Variants in HIVEP1 observed in about 807,000 individuals in gnomAD.
HIVEP1 encodes the protein zinc finger protein 40.
HIVEP1 carries 36 observed loss-of-function variants against 180.0 expected under a neutral mutation model. The ratio of observed to expected loss-of-function variants is 0.20; its 90% CI spans 0.15 to 0.26. The LOEUF (loss-of-function observed/expected upper bound fraction) is 0.26, where lower values mean the gene tolerates loss of function less well. Ranked by LOEUF, HIVEP1 falls within the 10% of genes least tolerant of loss-of-function variation. HIVEP1 has a pLI of 1.00. For synonymous variants in HIVEP1, 1,239 were observed against 1,239.0 expected (o/e 1.00, Z 0.00); for missense variants, 3,143 against 3,268.7 (o/e 0.96, Z 0.94).
intron 2 of HIVEP1, among the ~76,000 whole-genome samples, chr6:12,067,454 G>A (rs1771674508): frequency 6.6e-6 from 1 of 151,878 alleles, no homozygotes; most frequent in Non-Finnish European, 1.5e-5. Context: ...ATAATAATAA[G>A]GACTATTTAA....
rs181644507 is a variant in HIVEP1, at chr6:12,104,092, A to C, written c.94+14855A>C. Among the ~76,000 whole-genome samples the C allele has an allele frequency of 1.7e-3, 264 of 152,180 alleles. 6 individuals are homozygous for C. In the Middle Eastern group the frequency reaches 0.024, roughly 14 times the overall value. On this transcript the variant is annotated intron_variant, in intron 3 of 8. Transcript: ENST00000379388. ...CTAGTAATTTTAAAAATTATTTTTA[A>C]GATTTTGGGCCTTGTCTTTGACTTT...
At chr6:12,019,990 G>A (rs1218721222) in intron 2 of HIVEP1, among the ~76,000 whole-genome samples, 1 of 152,224 alleles carries the variant, frequency 6.6e-6, no homozygotes, top group Non-Finnish European at 1.5e-5. Context: ...TGAAAATTAA[G>A]CCTGCATAGA....
intron 2 of HIVEP1, among the ~76,000 whole-genome samples, chr6:12,018,824 C>G (rs1038154930): frequency 6.6e-6 from 1 of 152,140 alleles, no homozygotes; most frequent in South Asian, 2.1e-4. Flanking sequence ...AAGAAGTTCT[C>G]TTCAGGAGGG....
chr6:12,103,184 G>GTAACAATAA (rs1774211598), intron 3 of HIVEP1, among the ~76,000 whole-genome samples: 1 of 147,656 alleles, frequency 6.8e-6, no homozygotes, highest in Non-Finnish European at 1.5e-5. Flanking sequence ...TGTTGATTAT[G>GTAACAATAA]TAATAATAAT....
intron 2 of HIVEP1, among the ~76,000 whole-genome samples, chr6:12,064,505 A>G (rs1336676527): frequency 5.3e-5 from 8 of 152,218 alleles, no homozygotes; most frequent in Non-Finnish European, 1.2e-4. Flanking sequence ...TCATTATTTC[A>G]GTAGTGGTGA....
At chr6:12,185,462 G>A in the HIVEP1 span, among the ~76,000 whole-genome samples, 10 of 152,188 alleles carry the variant, frequency 6.6e-5, no homozygotes, top group Non-Finnish European at 1.2e-4. Context: ...GCTCTGAGTT[G>A]AACTGGGACA....
At chr6:12,205,940 T>C in the HIVEP1 span, among the ~76,000 whole-genome samples, 5 of 152,042 alleles carry the variant, frequency 3.3e-5, no homozygotes, top group African/African-American at 1.2e-4. Flanking sequence ...ATTAATTAGA[T>C]AGTAACAGGG....
chr6:12,145,491 A>G (rs191808944), intron 7 of HIVEP1, among the ~76,000 whole-genome samples: 3 of 151,154 alleles, frequency 2.0e-5, no homozygotes, highest in Non-Finnish European at 4.4e-5. Context: ...CACGTTGTGC[A>G]TATGTACCCT....
At chr6:12,086,519 C>G (rs933163704) in intron 2 of HIVEP1, among the ~76,000 whole-genome samples, 2 of 152,078 alleles carry the variant, frequency 1.3e-5, no homozygotes, top group Non-Finnish European at 2.9e-5. Flanking sequence ...GTCTTAGAGT[C>G]TAACATGCCA....
chr6:12,147,189 G>A (rs528179273), intron 7 of HIVEP1, among the ~76,000 whole-genome samples: 4 of 152,272 alleles, frequency 2.6e-5, no homozygotes, highest in African/African-American at 7.2e-5. Flanking sequence ...TTCAGCATGA[G>A]AACTGCCATT....
chr6:12,108,544 A>AG (rs1391561269), intron 3 of HIVEP1, among the ~76,000 whole-genome samples: 1 of 152,250 alleles, frequency 6.6e-6, no homozygotes, highest in Non-Finnish European at 1.5e-5. Flanking sequence ...GCAGGAAGGC[A>AG]GCTAATGCCC....
upstream of HIVEP1, among the ~76,000 whole-genome samples, chr6:12,009,856 G>A (rs1328194530): frequency 6.6e-6 from 1 of 152,206 alleles, no homozygotes; most frequent in Non-Finnish European, 1.5e-5. Flanking sequence ...TTTACCTATC[G>A]TAATTCGAAA....
intron 2 of HIVEP1, among the ~76,000 whole-genome samples, chr6:12,061,137 G>C (rs1380642856): frequency 6.6e-6 from 1 of 152,108 alleles, no homozygotes; most frequent in Admixed American, 6.5e-5. Flanking sequence ...CATACCCCTG[G>C]GTGTGACGGA....
At chr6:12,132,545 TATG>T (rs1271716717) in intron 6 of HIVEP1, among the ~76,000 whole-genome samples, 8 of 151,978 alleles carry the variant, frequency 5.3e-5, no homozygotes, top group African/African-American at 1.9e-4. Context: ...CAAGGAAAAA[TATG>T]ATGAGTCACA....
intron 2 of HIVEP1, among the ~76,000 whole-genome samples, chr6:12,035,786 G>A (rs1011725413): frequency 1.3e-5 from 2 of 152,028 alleles, no homozygotes; most frequent in African/African-American, 4.8e-5. Context: ...ATAGAAAGTA[G>A]GAAATATAGA....
chr6:12,020,886 C>CT, intron 2 of HIVEP1, among the ~76,000 whole-genome samples: 2 of 99,106 alleles, frequency 2.0e-5, no homozygotes, highest in Non-Finnish European at 4.0e-5. Flanking sequence ...TTCTTTCTTT[C>CT]TTTCTTTTTT....
At position 12,023,650 on chromosome 6, in the gene HIVEP1, G is replaced by T. The variant is rs9470756; in HGVS notation, c.40+7982G>T. ...TATGAAAATGGAGTTAACATAGCAA[G>T]CCTCCTTTTTTTTTGCAGATAATTA... is the stretch of plus-strand genomic sequence containing the variant. On this transcript the variant is annotated intron_variant, in intron 2 of 8. Transcript: ENST00000379388. Among the ~76,000 whole-genome samples the T allele has an allele frequency of 3.4e-3, 411 of 121,202 alleles. 2 individuals are homozygous for T. The highest frequency in any genetic ancestry group is 9.6e-3 in the African/African-American group (386 of 40,172). The allele number at this position is 121,202 out of a possible 152,430, so 79.5% of individuals were successfully genotyped here. A position where few individuals can be genotyped will look rare whatever the true frequency, so the allele number is the denominator to read the frequency against.
intron 3 of HIVEP1, among the ~76,000 whole-genome samples, chr6:12,095,330 A>C (rs1310947301): frequency 6.6e-6 from 1 of 151,792 alleles, no homozygotes; most frequent in Non-Finnish European, 1.5e-5. Context: ...TGGAATGCTC[A>C]TTCATTTTTA....
At chr6:12,101,963 C>CA (rs1344998737) in intron 3 of HIVEP1, among the ~76,000 whole-genome samples, 3 of 137,410 alleles carry the variant, frequency 2.2e-5, no homozygotes, top group African/African-American at 8.3e-5. Flanking sequence ...ATGTTAATAT[C>CA]AAAAGGGACT....
Sources: allele counts gnomAD v4.1 joint callset (sites outside exome capture counted in the v4.1 genomes callset), GRCh38; gene constraint gnomAD v4.1.1; transcripts MANE v1.5; gene names NCBI Gene and HGNC (gene_info 2026-07-23, HGNC 2026-07-21).